EML1: variants seen among roughly 807,000 people sequenced by gnomAD.
The protein encoded by EML1 is EMAP like 1.
Under a neutral mutation model 110.4 loss-of-function variants are expected in EML1, and 27 were observed. The ratio of observed to expected loss-of-function variants is 0.24; its 90% CI spans 0.18 to 0.34. EML1 has a LOEUF of 0.34. Ranked by LOEUF, EML1 falls within the 10% of genes least tolerant of loss-of-function variation. The pLI is 1.00. For missense variants in EML1, 741 were observed against 1,030.9 expected (o/e 0.72, Z 3.85); for synonymous variants, 344 against 385.8 (o/e 0.89, Z 1.27).
intron 1 of EML1, among the ~76,000 whole-genome samples, chr14:99,805,354 G>A (rs905782173): frequency 3.9e-5 from 6 of 152,156 alleles, no homozygotes; most frequent in South Asian, 4.2e-4. Context: ...TTAGCAGCCC[G>A]CACCAACTGC....
At chr14:99,782,625 T>C (rs1048021877) in intron 1 of EML1, among the ~76,000 whole-genome samples, 1 of 152,100 alleles carries the variant, frequency 6.6e-6, no homozygotes, top group Non-Finnish European at 1.5e-5. Context: ...TCTTATTGAG[T>C]TGACTTCCAG....
intron 1 of EML1, among the ~76,000 whole-genome samples, chr14:99,756,824 AC>A (rs2057260889): frequency 6.6e-6 from 1 of 150,610 alleles, no homozygotes; most frequent in African/African-American, 2.4e-5. Flanking sequence ...AAGACTCTCA[AC>A]CCCCCTCTCA....
chr14:99,777,452 C>A (rs903555304), intron 1 of EML1, among the ~76,000 whole-genome samples: 1 of 152,124 alleles, frequency 6.6e-6, no homozygotes, highest in African/African-American at 2.4e-5. Context: ...AGGAGTCTTG[C>A]GCTGTCGCCC....
chr14:99,911,315 G>A, intron 12 of EML1, 107 bp from the exon 13 acceptor site: 1 of 1,286,666 alleles, frequency 7.8e-7, no homozygotes, highest in Non-Finnish European at 1.1e-6. Context: ...GCAATGATGT[G>A]CTCACGGACA....
At chr14:99,877,238 A>G (rs1441003727) in intron 3 of EML1, among the ~76,000 whole-genome samples, 2 of 152,050 alleles carry the variant, frequency 1.3e-5, no homozygotes, top group East Asian at 1.9e-4. Context: ...TAAGGGCACT[A>G]ATTCCACTCA....
intron 17 of EML1, among the ~76,000 whole-genome samples, chr14:99,923,183 C>T (rs767300051): frequency 3.3e-5 from 5 of 152,190 alleles, no homozygotes; most frequent in Non-Finnish European, 7.4e-5. Flanking sequence ...CCCAAGTGAT[C>T]TGCCTGCCTC....
intron 17 of EML1, among the ~76,000 whole-genome samples, chr14:99,933,215 G>A (rs531827164): frequency 4.6e-4 from 70 of 152,188 alleles, no homozygotes; most frequent in South Asian, 1.5e-3. Context: ...TCGCTCTGTC[G>A]CCCAGGCTAG....
chr14:99,933,928 C>T (rs1160736166), intron 17 of EML1, among the ~76,000 whole-genome samples: 2 of 152,100 alleles, frequency 1.3e-5, no homozygotes, highest in Non-Finnish European at 2.9e-5. Flanking sequence ...AACCCCGTCT[C>T]TACTAAAAAT....
intron 1 of EML1, among the ~76,000 whole-genome samples, chr14:99,840,245 G>A (rs978681032): frequency 6.6e-6 from 1 of 152,170 alleles, no homozygotes; most frequent in Non-Finnish European, 1.5e-5. Context: ...AATAGCATTT[G>A]TGTAATATTT....
chr14:99,913,751 G>A (rs1187283033), intron 13 of EML1, among the ~76,000 whole-genome samples: 2 of 152,090 alleles, frequency 1.3e-5, no homozygotes, highest in Non-Finnish European at 2.9e-5. Context: ...GTGTAGTGGC[G>A]TGATCTCGGC....
intron 1 of EML1, among the ~76,000 whole-genome samples, chr14:99,837,211 CAA>C (rs1246886630): frequency 1.3e-5 from 2 of 152,112 alleles, no homozygotes; most frequent in Non-Finnish European, 1.5e-5. Flanking sequence ...TGTGTCTCAG[CAA>C]CTTAGGGAGA....
chr14:99,886,077 A>G, intron 4 of EML1: 1 of 270,330 alleles, frequency 3.7e-6, no homozygotes, highest in Non-Finnish European at 7.4e-6. Flanking sequence ...AAATGACCCT[A>G]TTTCTAATAA....
chr14:99,790,293 A>G (rs549167997), upstream of EML1, among the ~76,000 whole-genome samples: 1 of 152,294 alleles, frequency 6.6e-6, no homozygotes, highest in African/African-American at 2.4e-5. Context: ...AACATTAAAC[A>G]TAAGGAATGC....
chr14:99,891,058 G>A (rs1489379785), intron 4 of EML1, 141 bp from the exon 5 acceptor site: 2 of 858,018 alleles, frequency 2.3e-6, no homozygotes, highest in Non-Finnish European at 3.7e-6. Flanking sequence ...AGTGAAATTG[G>A]TGGTGTTTTT....
chr14:99,890,696 C>T (rs2061470954), intron 4 of EML1, among the ~76,000 whole-genome samples: 1 of 152,178 alleles, frequency 6.6e-6, no homozygotes, highest in South Asian at 2.1e-4. Flanking sequence ...GAGGGTACCA[C>T]ACCCTGGTGT....
At chr14:99,854,508 T>A (rs2058867829) in intron 2 of EML1, among the ~76,000 whole-genome samples, 1 of 152,210 alleles carries the variant, frequency 6.6e-6, no homozygotes, top group Non-Finnish European at 1.5e-5. Context: ...CCCCTGTCCC[T>A]GCGGTTGGCC....
In EML1 at chr14:99,853,435, C is replaced by T. The variant is rs1460133929; in HGVS notation, c.250+2400C>T. ...GGGAGGGGTGTGCCTGCAGCAGCTG[C>T]CCTGGCTGTGCTCATCTTTGAGGCA... On this transcript the variant is annotated intron_variant, in intron 2 of 21. Transcript: ENST00000262233. 2.6e-5 allele frequency among the ~76,000 whole-genome samples: 4 copies of T among 151,990 alleles called. No individual in the cohort carries two copies. In the East Asian group the frequency reaches 7.8e-4, roughly 30 times the overall value.
chr14:99,766,586 A>C (rs2057371518), intron 1 of EML1, among the ~76,000 whole-genome samples: 1 of 152,216 alleles, frequency 6.6e-6, no homozygotes, highest in Admixed American at 6.5e-5. Flanking sequence ...ACAGCAGCTG[A>C]GGAAGACTAT....
chr14:99,913,505 A>G (rs61986021), intron 13 of EML1, among the ~76,000 whole-genome samples: 13,600 of 152,184 alleles, frequency 0.089, 730 homozygotes, highest in Non-Finnish European at 0.12. Context: ...AATTGTATCT[A>G]CTGTTGCTAT....
Sources: allele counts gnomAD v4.1 joint callset (sites outside exome capture counted in the v4.1 genomes callset), GRCh38; gene constraint gnomAD v4.1.1; transcripts MANE v1.5; gene names NCBI Gene and HGNC (gene_info 2026-07-23, HGNC 2026-07-21).